Variants in ALDH1A2 observed in about 807,000 individuals in gnomAD.
ALDH1A2 encodes aldehyde dehydrogenase 1 family member A2, also known as retinal dehydrogenase 2.
A neutral mutation model predicts 60.3 loss-of-function variants in ALDH1A2; 27 were observed. That is an observed-to-expected ratio of 0.45 (90% CI 0.33 to 0.62). The LOEUF (loss-of-function observed/expected upper bound fraction) is 0.62, where lower values mean the gene tolerates loss of function less well. Among genes scored for constraint, ALDH1A2 ranks in the 20% least tolerant of loss-of-function variants. ALDH1A2 has a pLI of 0.02. For synonymous variants in ALDH1A2, 289 were observed against 232.4 expected (o/e 1.24, Z -2.21); for missense variants, 581 against 643.8 (o/e 0.90, Z 1.06).
chr15:57,979,260 A>G (rs1048546384), intron 7 of ALDH1A2, among the ~76,000 whole-genome samples: 2 of 151,988 alleles, frequency 1.3e-5, no homozygotes, highest in Admixed American at 6.6e-5. Context: ...CACCCTCTCC[A>G]CTGTCCCCAC....
At chr15:57,983,781 G>A (rs1484801276) in intron 7 of ALDH1A2, among the ~76,000 whole-genome samples, 2 of 152,144 alleles carry the variant, frequency 1.3e-5, no homozygotes, top group African/African-American at 4.8e-5. Context: ...GGGCTAGACT[G>A]AATCACATAA....
chr15:58,051,580 A>G (rs1416964551), intron 1 of ALDH1A2, among the ~76,000 whole-genome samples: 5 of 152,144 alleles, frequency 3.3e-5, no homozygotes. Flanking sequence ...GAATTCCTCT[A>G]CAAGAAAAAC....
rs74017097 is a variant in ALDH1A2 at position 57,994,996 on chromosome 15, T to C, written c.555+82A>G. On this transcript the variant is annotated intron_variant, in intron 5 of 12. Coordinates refer to ENST00000249750, the MANE Select transcript of ALDH1A2 (RefSeq NM_003888.4). ...TTCCTCCAGTAATGGAAAACACACATCGCTGAGGACCATGTTTTATGTGTC... is the reference window on the plus strand; with the variant it reads ...TTCCTCCAGTAATGGAAAACACACACCGCTGAGGACCATGTTTTATGTGTC... 3.1e-4 allele frequency: 406 copies of C among 1,327,856 alleles called. No homozygotes were observed. The African/African-American group carries it at 5.0e-3, about 16-fold the overall frequency. The allele number at this position is 1,327,856 out of a possible 1,614,324, so 82.3% of individuals were successfully genotyped here. A position where few individuals can be genotyped will look rare whatever the true frequency, so the allele number is the denominator to read the frequency against.
At chr15:57,981,449 T>C (rs750190776) in intron 7 of ALDH1A2, among the ~76,000 whole-genome samples, 1 of 152,172 alleles carries the variant, frequency 6.6e-6, no homozygotes, top group African/African-American at 2.4e-5. Flanking sequence ...TTGACAAATA[T>C]ATTATTTGCA....
intron 1 of ALDH1A2, 63 bp downstream of exon 1, chr15:58,065,471 C>A (rs761666430): frequency 6.0e-5 from 84 of 1,390,926 alleles, no homozygotes; most frequent in Non-Finnish European, 8.6e-5. Flanking sequence ...CTGAAGAGAT[C>A]GGGGAAACCG....
chr15:58,036,309 AAC>A (rs1235766462), intron 1 of ALDH1A2, among the ~76,000 whole-genome samples: 1 of 151,628 alleles, frequency 6.6e-6, no homozygotes, highest in African/African-American at 2.4e-5. Context: ...TATACACACA[AAC>A]ACATATTCAT....
chr15:58,010,151 C>T (rs1250027219), intron 4 of ALDH1A2, among the ~76,000 whole-genome samples: 7 of 151,884 alleles, frequency 4.6e-5, no homozygotes, highest in South Asian at 2.1e-4. Flanking sequence ...CACGGCCGTT[C>T]GAGAAATATA....
chr15:58,015,369 T>C (rs1309940910), intron 1 of ALDH1A2, among the ~76,000 whole-genome samples: 1 of 152,214 alleles, frequency 6.6e-6, no homozygotes, highest in East Asian at 1.9e-4. Context: ...ATAAAAACTA[T>C]GAGCCCATGT....
chr15:57,968,719 G>T (rs1232507693), intron 7 of ALDH1A2, among the ~76,000 whole-genome samples: 1 of 152,204 alleles, frequency 6.6e-6, no homozygotes, highest in African/African-American at 2.4e-5. Flanking sequence ...AAGATGCTGA[G>T]TAAATATTTG....
At chr15:58,004,435 G>C (rs2085808791) in intron 4 of ALDH1A2, among the ~76,000 whole-genome samples, 1 of 151,788 alleles carries the variant, frequency 6.6e-6, no homozygotes, top group Non-Finnish European at 1.5e-5. Context: ...AATAGTCAAC[G>C]TGGTACCCAA....
intron 1 of ALDH1A2, among the ~76,000 whole-genome samples, chr15:58,041,946 G>A (rs114576375): frequency 0.014 from 2,074 of 151,946 alleles, 54 homozygotes; most frequent in African/African-American, 0.047. Flanking sequence ...TTATGTAAAC[G>A]TGATGTCTCT....
At chr15:58,021,678 G>A (rs1207315459) in intron 1 of ALDH1A2, among the ~76,000 whole-genome samples, 4 of 152,234 alleles carry the variant, frequency 2.6e-5, no homozygotes, top group South Asian at 2.1e-4. Flanking sequence ...TTTGACAAAC[G>A]TCGTGCTGTC....
chr15:58,010,840 C>T (rs1465866382), intron 3 of ALDH1A2, 62 bp from the exon 4 acceptor site: 1 of 1,595,284 alleles, frequency 6.3e-7, no homozygotes, highest in East Asian at 2.2e-5. Flanking sequence ...ACACTAATTT[C>T]TAGAGCAGAA....
rs1063666 is a variant in ALDH1A2 at position 57,954,404 on chromosome 15, A to C, written c.*793T>G. Reference sequence around the variant, plus strand: ...AAGATCTTATCTAGCTATGAAAAACAACCCACTCCTTGCCTTATTCCAGAA... The same window carrying C: ...AAGATCTTATCTAGCTATGAAAAACCACCCACTCCTTGCCTTATTCCAGAA... On this transcript the variant is annotated 3_prime_UTR_variant, in exon 13 of 13. Transcript: ENST00000249750. The C allele has an allele frequency of 0.47, 71,921 of 152,610 alleles. 17,485 individuals carry two copies. Among genetic ancestry groups the C allele is most frequent in the Non-Finnish European group, 0.55 (37,083 of 67,962 alleles). The allele number at this position is 152,610 out of a possible 1,614,324, so 9.5% of individuals were successfully genotyped here.
intron 7 of ALDH1A2, among the ~76,000 whole-genome samples, chr15:57,972,971 A>T (rs752205592): frequency 6.6e-6 from 1 of 152,170 alleles, no homozygotes; most frequent in Non-Finnish European, 1.5e-5. Context: ...GTATCATGCA[A>T]CATGACATTT....
intron 7 of ALDH1A2, among the ~76,000 whole-genome samples, chr15:57,990,036 G>A (rs1333508584): frequency 1.4e-5 from 2 of 143,912 alleles, no homozygotes; most frequent in Non-Finnish European, 3.1e-5. Flanking sequence ...AGGAAATCCA[G>A]AAGCTGTCAG....
intron 1 of ALDH1A2, among the ~76,000 whole-genome samples, chr15:58,044,601 C>T (rs956996758): frequency 1.3e-5 from 2 of 152,020 alleles, no homozygotes; most frequent in Non-Finnish European, 1.5e-5. Context: ...GAGATGAGGT[C>T]CTGGGACACT....
chr15:58,009,135 T>G (rs1895549960), intron 4 of ALDH1A2, among the ~76,000 whole-genome samples: 1 of 152,070 alleles, frequency 6.6e-6, no homozygotes, highest in Non-Finnish European at 1.5e-5. Context: ...TCCTTGGAAG[T>G]CTTGTCTCTA....
At chr15:57,963,828 C>A in intron 9 of ALDH1A2, 57 bp downstream of exon 9, 1 of 1,586,730 alleles carries the variant, frequency 6.3e-7, no homozygotes. Flanking sequence ...ACAGTGTACA[C>A]AGTTCTGTGC....
Sources: gnomAD v4.1 joint callset for allele counts (sites outside exome capture counted in the v4.1 genomes callset) on GRCh38, gnomAD v4.1.1 for gene constraint, MANE v1.5 for transcripts, NCBI Gene and HGNC (gene_info 2026-07-23, HGNC 2026-07-21) for gene names.